The following GPAT4 variants were observed in gnomAD, a reference collection of about 807,000 sequenced individuals.
GPAT4 encodes glycerol-3-phosphate acyltransferase 4, also known as 1-AGP acyltransferase 6.
A neutral mutation model predicts 58.0 loss-of-function variants in GPAT4; 17 were observed. The ratio of observed to expected loss-of-function variants is 0.29; its 90% CI spans 0.20 to 0.44. The LOEUF is 0.44. Among genes scored for constraint, GPAT4 ranks in the 20% least tolerant of loss-of-function variants. The pLI is 1.00. For synonymous variants in GPAT4, 204 were observed against 210.1 expected, an observed-to-expected ratio of 0.97 and a Z score of 0.25; for missense variants, 377 against 574.5, an observed-to-expected ratio of 0.66 and a Z score of 3.51.
At chr8:41,615,698 A>G (rs888479332) in intron 10 of GPAT4, among the ~76,000 whole-genome samples, 1 of 152,202 alleles carries the variant, frequency 6.6e-6, no homozygotes, top group African/African-American at 2.4e-5. Flanking sequence ...CAGGCCTCAC[A>G]TCATGACACC....
At position 41,615,187 on chromosome 8, in the gene GPAT4, CGT is replaced by C. The variant is rs1803559327; in HGVS notation, c.1053+141_1053+142del. ...GCAGAGTGGCGTGGGGCTGGGTTGA[CGT>C]GGGTCAAGTGCTGCCGGAGGAGGAT... is the stretch of plus-strand genomic sequence containing the variant. On this transcript the variant is annotated intron_variant, in intron 10 of 12. Transcript: ENST00000396987. 4.1e-6 allele frequency: 3 copies of C among 725,204 alleles called. No individual in the cohort carries two copies. The African/African-American group carries it at 5.3e-5, about 13-fold the overall frequency. The allele number at this position is 725,204 out of a possible 1,614,324, so 44.9% of individuals were successfully genotyped here.
chr8:41,609,348 T>G, intron 2 of GPAT4, 68 bp from the exon 3 acceptor site: 17 of 1,466,458 alleles, frequency 1.2e-5, no homozygotes, highest in Non-Finnish European at 1.4e-5. Flanking sequence ...AGAATAGAGA[T>G]GGAGGTGTTC....
At chr8:41,594,139 A>C (rs1802861304) in intron 1 of GPAT4, among the ~76,000 whole-genome samples, 1 of 152,230 alleles carries the variant, frequency 6.6e-6, no homozygotes. Flanking sequence ...TTTTTGTTAA[A>C]GAGCAGGTTA....
At position 41,623,761 on chromosome 8, in the gene GPAT4, T is replaced by C. The variant is rs944017919; in HGVS notation, c.*2760T>C. ...GGCTGGGGCCATACTGCTCTCAGGC[T>C]GGGCAGTATCTTCATTGTGGTTCTC... On this transcript the variant is annotated 3_prime_UTR_variant, in exon 13 of 13. Transcript: ENST00000396987. The C allele has an allele frequency of 1.4e-5, 2 of 147,078 alleles. No homozygotes were observed. Among genetic ancestry groups the C allele is most frequent in the African/African-American group, 5.2e-5 (2 of 38,788 alleles). The allele number at this position is 147,078 out of a possible 1,614,324, so 9.1% of individuals were successfully genotyped here. A position where few individuals can be genotyped will look rare whatever the true frequency, so the allele number is the denominator to read the frequency against.
At chr8:41,591,804 T>G (rs188098317) in intron 1 of GPAT4, among the ~76,000 whole-genome samples, 114 of 152,372 alleles carry the variant, frequency 7.5e-4, no homozygotes, top group African/African-American at 2.5e-3. Context: ...ATCATCTATG[T>G]GTAGACAGCA....
intron 2 of GPAT4, among the ~76,000 whole-genome samples, chr8:41,604,402 G>A (rs1444004277): frequency 6.6e-6 from 1 of 152,200 alleles, no homozygotes; most frequent in Non-Finnish European, 1.5e-5. Context: ...CCCTTTCCTG[G>A]AAGCCCTAAC....
Position 41,598,996 on chromosome 8 carries a change from T to G in GPAT4, c.-144T>G. Reference sequence around the variant, plus strand: ...TTCCCAGGCCTTCTATTCAGGCGGTTGAAGGGTGTGGACTTTGGAATGGGG... The same window carrying G: ...TTCCCAGGCCTTCTATTCAGGCGGTGGAAGGGTGTGGACTTTGGAATGGGG... On this transcript the variant is annotated 5_prime_UTR_variant, in exon 2 of 13. It removes the in-frame stop codon of an upstream open reading frame in the 5' UTR. Transcript: ENST00000396987. 2 of 1,101,696 alleles carry G rather than the reference T, an allele frequency of 1.8e-6. No individual in the cohort carries two copies. The highest frequency in any genetic ancestry group is 2.6e-6 in the Non-Finnish European group (2 of 775,284). The allele number at this position is 1,101,696 out of a possible 1,614,324, so 68.2% of individuals were successfully genotyped here.
chr8:41,612,742 T>G, intron 7 of GPAT4, 103 bp from the exon 8 acceptor site: 4 of 995,156 alleles, frequency 4.0e-6, no homozygotes, highest in Non-Finnish European at 5.9e-6. Flanking sequence ...GCGTTAGAAG[T>G]GAGAAGTTGG....
chr8:41,598,023 T>C (rs1165786920), intron 1 of GPAT4, among the ~76,000 whole-genome samples: 1 of 152,242 alleles, frequency 6.6e-6, no homozygotes, highest in Non-Finnish European at 1.5e-5. Flanking sequence ...AAATGTGTCT[T>C]ATATACATGT....
rs2150500809 is a variant in GPAT4, at chr8:41,609,691, A to G, written c.272A>G (p.Glu91Gly). The part of the protein sequence containing the change: ...IAKDPTSLEE[E>G]IKEIRRSGSS... ...AAGGATCCCACTTCACTAGAAGAAGAGATCAAAGAGATTCGTCGAAGTGGT... is the reference window on the plus strand; with the variant it reads ...AAGGATCCCACTTCACTAGAAGAAGGGATCAAAGAGATTCGTCGAAGTGGT... The change falls in exon 4 of 13, where the codon GAG becomes GGG. Residue 91 changes from glutamate (E) to glycine (G), a missense_variant. By Grantham distance (98) the Glu-to-Gly change is moderately conservative. Transcript: ENST00000396987. 2 of 1,613,736 alleles carry G rather than the reference A, an allele frequency of 1.2e-6. No homozygotes were observed. Among genetic ancestry groups the G allele is most frequent in the East Asian group, 2.2e-5 (1 of 44,870 alleles).
intron 1 of GPAT4, among the ~76,000 whole-genome samples, chr8:41,582,128 C>T (rs1397418899): frequency 1.4e-5 from 2 of 147,790 alleles, no homozygotes; most frequent in Non-Finnish European, 3.0e-5. Flanking sequence ...CCCTATCTCC[C>T]AAGTAGCTGG....
intron 1 of GPAT4, among the ~76,000 whole-genome samples, chr8:41,595,600 G>T (rs2150489559): frequency 6.6e-6 from 1 of 152,220 alleles, no homozygotes; most frequent in South Asian, 2.1e-4. Context: ...TAGGGTCACG[G>T]AGAAGACCTT....
chr8:41,617,869 TC>T (rs974733190), intron 10 of GPAT4, among the ~76,000 whole-genome samples: 1 of 152,202 alleles, frequency 6.6e-6, no homozygotes, highest in African/African-American at 2.4e-5. Flanking sequence ...AGGCACTTTG[TC>T]CAGGCATTCT....
chr8:41,613,341 G>A lies in GPAT4; in HGVS notation c.911+381G>A, dbSNP rs558857030. 8.6e-5 allele frequency among the ~76,000 whole-genome samples: 13 copies of A among 152,038 alleles called. No individual in the cohort carries two copies. In the South Asian group the frequency reaches 1.9e-3, roughly 22 times the overall value. On this transcript the variant is annotated intron_variant, in intron 8 of 12. Coordinates refer to ENST00000396987, the MANE Select transcript of GPAT4 (RefSeq NM_178819.4). Reference sequence around the variant, plus strand: ...ACAGAGGTTGCAGTGAGCTGAGATCGCGCCATTGCATTCCAGCCTGGGCGA... The same window carrying A: ...ACAGAGGTTGCAGTGAGCTGAGATCACGCCATTGCATTCCAGCCTGGGCGA...
rs1006138569 is a variant in GPAT4, at chr8:41,609,785, A to G, written c.366A>G (p.Gly122=). 1.9e-6 allele frequency: 3 copies of G among 1,614,056 alleles called. No individual in the cohort carries two copies. Among genetic ancestry groups the G allele is most frequent in the Non-Finnish European group, 2.5e-6 (3 of 1,180,044 alleles). Residue 122 remains glycine, a synonymous_variant, in exon 4 of 13, where the codon GGA becomes GGG. Coordinates refer to ENST00000396987, the MANE Select transcript of GPAT4 (RefSeq NM_178819.4). The stretch of plus-strand genomic sequence containing the variant: ...ACATTTTCTACTTTTGCCGGAAAGG[A>G]ATGGAGACCATTATGGATGATGAGG... ...LSDIFYFCRK[G]METIMDDEVT...
chr8:41,612,079 TGAGCTTTTAGTTA>T, intron 6 of GPAT4, 87 bp downstream of exon 6: 3 of 1,589,428 alleles, frequency 1.9e-6, no homozygotes, highest in Non-Finnish European at 2.6e-6. Context: ...AAGACACTTC[TGAGCTTTTAGTTA>T]GAGCAGATGA....
At chr8:41,585,351 C>T (rs897676873) in intron 1 of GPAT4, among the ~76,000 whole-genome samples, 2 of 152,058 alleles carry the variant, frequency 1.3e-5, no homozygotes, top group Non-Finnish European at 2.9e-5. Flanking sequence ...ATCAGATGGG[C>T]GTGTTAGTCC....
At chr8:41,616,478 A>G (rs1240047897) in intron 10 of GPAT4, among the ~76,000 whole-genome samples, 1 of 152,202 alleles carries the variant, frequency 6.6e-6, no homozygotes, top group African/African-American at 2.4e-5. Flanking sequence ...TAATTTTTGT[A>G]GAGACGGAGT....
chr8:41,601,400 C>T (rs1803091050), intron 2 of GPAT4, among the ~76,000 whole-genome samples: 1 of 151,922 alleles, frequency 6.6e-6, no homozygotes, highest in African/African-American at 2.4e-5. Flanking sequence ...TATTTTAGTC[C>T]AAGAAAATCT....
Sources: allele counts gnomAD v4.1 joint callset (sites outside exome capture counted in the v4.1 genomes callset), GRCh38; gene constraint gnomAD v4.1.1; transcripts MANE v1.5; gene names NCBI Gene and HGNC (gene_info 2026-07-23, HGNC 2026-07-21).